Variants in EXT2 observed in about 807,000 individuals in gnomAD.
EXT2 encodes exostosin-2.
EXT2 carries 53 observed loss-of-function variants against 81.6 expected under a neutral mutation model. The ratio of observed to expected loss-of-function variants is 0.65; its 90% CI spans 0.52 to 0.82. EXT2 has a LOEUF of 0.82. EXT2 is among the 40% of genes least tolerant of loss of function. EXT2 has a pLI of 0.00. For synonymous variants in EXT2, 320 were observed against 340.0 expected (o/e 0.94, Z 0.65); for missense variants, 774 against 910.2 (o/e 0.85, Z 1.93).
At chr11:44,179,395 G>A (rs1955202957) in intron 8 of EXT2, among the ~76,000 whole-genome samples, 1 of 152,172 alleles carries the variant, frequency 6.6e-6, no homozygotes, top group Admixed American at 6.5e-5. Flanking sequence ...CACTTTTATG[G>A]CTCTAGCTTT....
At position 44,124,873 on chromosome 11, in the gene EXT2, T is replaced by G. The variant is rs1030585219; in HGVS notation, c.828T>G (p.His276Gln). Residue 276 changes from histidine (H) to glutamine (Q), a missense_variant, in exon 5 of 14, where the codon CAT becomes CAG. Around this residue, in one of 2 missense-constraint regions of EXT2, gnomAD observed 626 missense variants for 670.5 expected, o/e 0.93. Coordinates refer to ENST00000533608, the MANE Select transcript of EXT2 (RefSeq NM_207122.2). Reference sequence around the variant, plus strand: ...ACCTAGAAGCCCTCCAGGTCAAACATGGAGAGTCAGTGTTAGTACTCGATA... The same window carrying G: ...ACCTAGAAGCCCTCCAGGTCAAACAGGGAGAGTCAGTGTTAGTACTCGATA... ...REDLEALQVK[H>Q]GESVLVLDKC... is the part of the protein sequence containing the mutation. The G allele has an allele frequency of 6.2e-7, 1 of 1,614,050 alleles. No individual in the cohort carries two copies. Among genetic ancestry groups the G allele is most frequent in the Middle Eastern group, 1.6e-4 (1 of 6,062 alleles).
intron 7 of EXT2, among the ~76,000 whole-genome samples, chr11:44,166,778 TA>T (rs1203617787): frequency 6.6e-6 from 1 of 152,176 alleles, no homozygotes. Context: ...AGTGGAATCA[TA>T]GATCTGAATG....
intron 8 of EXT2, among the ~76,000 whole-genome samples, chr11:44,174,174 C>T (rs566018496): frequency 1.3e-5 from 2 of 152,228 alleles, no homozygotes; most frequent in South Asian, 2.1e-4. Flanking sequence ...ATATCTTTGT[C>T]GAGTTTTCTC....
intron 8 of EXT2, among the ~76,000 whole-genome samples, chr11:44,173,059 G>T (rs1955099619): frequency 6.6e-6 from 1 of 152,162 alleles, no homozygotes; most frequent in African/African-American, 2.4e-5. Flanking sequence ...GACAGTTCCT[G>T]CCTTCAAAGA....
intron 10 of EXT2, among the ~76,000 whole-genome samples, chr11:44,213,416 T>C (rs542684812): frequency 6.6e-6 from 1 of 152,270 alleles, no homozygotes; most frequent in East Asian, 1.9e-4. Flanking sequence ...GTGACACAGA[T>C]GTTAGAATTA....
Position 44,251,555 on chromosome 11 carries a change from C to T in EXT2, c.*7268C>T, listed in dbSNP as rs931221283. 5.3e-5 allele frequency among the ~76,000 whole-genome samples: 8 copies of T among 152,112 alleles called. No individual in the cohort carries two copies. The highest frequency in any genetic ancestry group is 1.0e-4 in the Non-Finnish European group (7 of 68,028). Reference sequence around the variant, plus strand: ...CCTTGGGCTGTGACTATTTACTTCTCGGTACAGATTACTCTGGTTAAATCA... The same window carrying T: ...CCTTGGGCTGTGACTATTTACTTCTTGGTACAGATTACTCTGGTTAAATCA... On this transcript the variant is annotated 3_prime_UTR_variant, in exon 14 of 14. Coordinates refer to ENST00000533608, the MANE Select transcript of EXT2 (RefSeq NM_207122.2).
chr11:44,096,276 T>A, intron 1 of EXT2: 1 of 1,535,872 alleles, frequency 6.5e-7, no homozygotes. Flanking sequence ...CAGGGTCCGG[T>A]GGTGGCCTGC....
chr11:44,124,970 C>T lies in EXT2; in HGVS notation c.925C>T (p.Pro309Ser), dbSNP rs1209909186. ...RCHKHQVFDY[P>S]QVLQEATFCV... ...CCACAAGCACCAGGTCTTCGATTAC[C>T]CACAGGTGCTACAGGTGAGTGTCAT... is the stretch of plus-strand genomic sequence containing the variant. Residue 309 changes from proline to serine, a missense_variant, in exon 5 of 14, where the codon CCA (proline) becomes TCA (serine). Around this residue, in one of 2 missense-constraint regions of EXT2, gnomAD observed 626 missense variants for 670.5 expected, o/e 0.93. Transcript: ENST00000533608. 3 of 1,612,768 alleles carry T rather than the reference C, an allele frequency of 1.9e-6. No homozygotes were observed. The highest frequency in any genetic ancestry group is 2.7e-5 in the African/African-American group (2 of 74,846).
At chr11:44,152,770 C>T (rs1418877542) in intron 7 of EXT2, among the ~76,000 whole-genome samples, 1 of 152,054 alleles carries the variant, frequency 6.6e-6, no homozygotes, top group Non-Finnish European at 1.5e-5. Context: ...GTTTCAGCAC[C>T]ATTTGTGGAA....
intron 10 of EXT2, among the ~76,000 whole-genome samples, chr11:44,218,668 TC>T (rs1415796346): frequency 6.6e-6 from 1 of 152,118 alleles, no homozygotes; most frequent in African/African-American, 2.4e-5. Flanking sequence ...TGAGGGGGCC[TC>T]ACTAATTGGA....
chr11:44,161,689 T>A (rs1954930014), intron 7 of EXT2, among the ~76,000 whole-genome samples: 1 of 152,132 alleles, frequency 6.6e-6, no homozygotes, highest in Admixed American at 6.6e-5. Flanking sequence ...GACTATGGGA[T>A]GGGAACAGTA....
At chr11:44,125,496 A>T (rs1954387247) in intron 5 of EXT2, among the ~76,000 whole-genome samples, 1 of 152,062 alleles carries the variant, frequency 6.6e-6, no homozygotes, top group South Asian at 2.1e-4. Context: ...CTTTATTTAC[A>T]TAGTGGGAAT....
intron 13 of EXT2, among the ~76,000 whole-genome samples, chr11:44,243,692 C>G (rs1255035585): frequency 7.9e-6 from 1 of 126,098 alleles, no homozygotes; most frequent in African/African-American, 3.0e-5. Context: ...TTTTAAACTT[C>G]AGTAAACTGA....
intron 7 of EXT2, among the ~76,000 whole-genome samples, chr11:44,146,579 G>A (rs1954720652): frequency 6.6e-6 from 1 of 152,144 alleles, no homozygotes; most frequent in African/African-American, 2.4e-5. Flanking sequence ...CTGAGAACCG[G>A]CCTGTTGGGC....
rs151017953 is a variant in EXT2 at position 44,220,145 on chromosome 11, C to T, written c.1663-12208C>T. Among the ~76,000 whole-genome samples the T allele has an allele frequency of 1.6e-3, 238 of 152,298 alleles. No individual in the cohort carries two copies. The highest frequency in any genetic ancestry group is 5.4e-3 in the African/African-American group (226 of 41,568). On this transcript the variant is annotated intron_variant, in intron 10 of 13. Coordinates refer to ENST00000533608, the MANE Select transcript of EXT2 (RefSeq NM_207122.2). This position sits in a 1 kb window ranked among gnomAD's most constrained non-coding sequence, Gnocchi z 4.4. ...GTGAGCCAGGCCTGGTTTTGGTGTG[C>T]ACAAGGTCAAACCTTGCCAGAGCTG... is the stretch of plus-strand genomic sequence containing the variant.
At chr11:44,231,081 G>C (rs1213838434) in intron 10 of EXT2, among the ~76,000 whole-genome samples, 8 of 152,144 alleles carry the variant, frequency 5.3e-5, no homozygotes, top group Admixed American at 5.2e-4. Flanking sequence ...TATTCTTTTA[G>C]GAATGGTCCT....
At chr11:44,116,656 C>T (rs1954224865) in intron 4 of EXT2, 1 of 152,222 alleles carries the variant, frequency 6.6e-6, no homozygotes, top group Non-Finnish European at 1.5e-5. Flanking sequence ...TTCCCCATAT[C>T]CTCACTAACC....
chr11:44,112,407 CT>C (rs1470369544), intron 3 of EXT2, among the ~76,000 whole-genome samples: 1 of 152,184 alleles, frequency 6.6e-6, no homozygotes, highest in African/African-American at 2.4e-5. Flanking sequence ...TTTTCAGTCT[CT>C]TGCAGCTTTG....
chr11:44,203,046 A>G (rs1955539590), intron 9 of EXT2, among the ~76,000 whole-genome samples: 3 of 152,228 alleles, frequency 2.0e-5, no homozygotes, highest in Admixed American at 1.3e-4. Flanking sequence ...AGAACAGTTT[A>G]TACCATCAGG....
Sources: gnomAD v4.1 joint callset for allele counts (sites outside exome capture counted in the v4.1 genomes callset) on GRCh38, gnomAD v4.1.1 for gene constraint, gnomAD v4.1.1 regional missense constraint, Gnocchi (gnomAD v3.1) non-coding constraint, MANE v1.5 for transcripts, NCBI Gene and HGNC (gene_info 2026-07-23, HGNC 2026-07-21) for gene names.